Variants in KTN1 observed in about 807,000 individuals in gnomAD.
KTN1 encodes the protein kinectin.
KTN1 carries 130 observed loss-of-function variants against 222.5 expected under a neutral mutation model. The observed-to-expected ratio is 0.58, with a 90% confidence interval of 0.51 to 0.68. The LOEUF (loss-of-function observed/expected upper bound fraction) is 0.68. KTN1 is among the 30% of genes least tolerant of loss of function. KTN1 has a pLI of 0.00. For missense variants in KTN1, 1,508 were observed against 1,500.4 expected (o/e 1.01, Z -0.08); for synonymous variants, 512 against 496.3 (o/e 1.03, Z -0.42).
intron 1 of KTN1, among the ~76,000 whole-genome samples, chr14:55,583,142 A>C (rs2032116940): frequency 1.3e-5 from 2 of 152,308 alleles, no homozygotes; most frequent in Non-Finnish European, 2.9e-5. Flanking sequence ...ATGTGCTGTG[A>C]ACTAAGGGGT....
chr14:55,665,938 G>A (rs80213096), intron 33 of KTN1, among the ~76,000 whole-genome samples: 89 of 151,836 alleles, frequency 5.9e-4, no homozygotes, highest in African/African-American at 2.1e-3. Context: ...TCCTTGGAAA[G>A]TTTTCAAAAA....
intron 18 of KTN1, among the ~76,000 whole-genome samples, chr14:55,644,686 G>A (rs2042128967): frequency 6.6e-6 from 1 of 150,386 alleles, no homozygotes; most frequent in Admixed American, 6.7e-5. Context: ...AAAACTATAA[G>A]AAGTTTCTTC....
chr14:55,674,261 G>A (rs762255717), intron 40 of KTN1: 6 of 151,994 alleles, frequency 3.9e-5, no homozygotes, highest in Non-Finnish European at 7.4e-5. Flanking sequence ...AATTTTGGGG[G>A]GGGATTTTGG....
chr14:55,639,244 CTT>C, intron 13 of KTN1, 22 bp downstream of exon 13: 1 of 1,565,174 alleles, frequency 6.4e-7, no homozygotes, highest in Non-Finnish European at 8.8e-7. Flanking sequence ...TTTTCACACT[CTT>C]ATAATTGTGT....
chr14:55,678,334 A>G lies in KTN1; in HGVS notation c.3856-18A>G. 1.4e-6 allele frequency: 2 copies of G among 1,454,700 alleles called. No homozygotes were observed. The highest frequency in any genetic ancestry group is 9.7e-7 in the Non-Finnish European group (1 of 1,035,128). 90.1% of individuals were successfully genotyped at this position (1,454,700 alleles called of 1,614,324 possible). A position where few individuals can be genotyped will look rare whatever the true frequency, so the allele number is the denominator to read the frequency against. ...TCAACTGTATTACTTAGTAGCTACC[A>G]TATTGTTTTCCTTATAGGCTCAACA... On this transcript the variant is annotated intron_variant, in intron 41 of 43. Coordinates refer to ENST00000395314, the MANE Select transcript of KTN1 (RefSeq NM_001079521.2).
intron 5 of KTN1, among the ~76,000 whole-genome samples, chr14:55,622,540 T>G (rs975951513): frequency 6.6e-6 from 1 of 152,242 alleles, no homozygotes; most frequent in Non-Finnish European, 1.5e-5. Context: ...TAAAGTGATA[T>G]GTTGTCTGCT....
Position 55,627,934 on chromosome 14 carries a change from C to T in KTN1, c.986C>T (p.Thr329Met), listed in dbSNP as rs751522621. ...LKKSSKGELT[T>M]LIHQLQEKDK... Reference sequence around the variant, plus strand: ...CAGTCAAGTAAGGGAGAATTGACTACGCTTATACATCAGCTTCAAGAAAAG... The same window carrying T: ...CAGTCAAGTAAGGGAGAATTGACTATGCTTATACATCAGCTTCAAGAAAAG... Residue 329 changes from threonine (T) to methionine (M), a missense_variant, in exon 6 of 44, where the codon ACG becomes ATG. By Grantham distance (81) the Thr-to-Met change is moderately conservative. Transcript: ENST00000395314. The T allele has an allele frequency of 1.9e-5, 31 of 1,610,944 alleles. No homozygotes were observed. The highest frequency in any genetic ancestry group is 9.9e-5 in the South Asian group (9 of 91,006).
chr14:55,637,390 T>TA (rs200929648), intron 11 of KTN1, 26 bp downstream of exon 11: 843 of 1,319,252 alleles, frequency 6.4e-4, no homozygotes, highest in Middle Eastern at 1.3e-3. Flanking sequence ...TTTTTTTTTT[T>TA]AAAAAAATAC....
At chr14:55,643,162 G>A (rs1282298581) in intron 18 of KTN1, among the ~76,000 whole-genome samples, 1 of 152,010 alleles carries the variant, frequency 6.6e-6, no homozygotes, top group African/African-American at 2.4e-5. Flanking sequence ...TGCCTGCCTC[G>A]GCCTCCCAAA....
intron 21 of KTN1, among the ~76,000 whole-genome samples, chr14:55,649,540 A>T (rs1213046615): frequency 6.6e-6 from 1 of 152,202 alleles, no homozygotes; most frequent in Non-Finnish European, 1.5e-5. Flanking sequence ...AATAATTTTA[A>T]CATTTATCTA....
Position 55,627,972 on chromosome 14 carries a change from G to A in KTN1, c.1024G>A (p.Ala342Thr), listed in dbSNP as rs979567159. 12 of 1,613,896 alleles carry A rather than the reference G, an allele frequency of 7.4e-6. No individual in the cohort carries two copies. Among genetic ancestry groups the A allele is most frequent in the South Asian group, 3.3e-5 (3 of 91,070 alleles). Reference sequence around the variant, plus strand: ...GCTTCAAGAAAAGGACAAGTTACTCGCTGCTGTGAAGGAAGATGCTGCTGC... The same window carrying A: ...GCTTCAAGAAAAGGACAAGTTACTCACTGCTGTGAAGGAAGATGCTGCTGC... ...HQLQEKDKLL[A>T]AVKEDAAATK... The change falls in exon 6 of 44, where the codon GCT (alanine) becomes ACT (threonine). Residue 342 changes from alanine (A) to threonine (T), a missense_variant. Transcript: ENST00000395314.
chr14:55,646,897 A>G lies in KTN1; in HGVS notation c.2173-76A>G, dbSNP rs2042421431. On this transcript the variant is annotated intron_variant, in intron 18 of 43. Transcript: ENST00000395314. ...TTAATAACCCTAAACAATTTTCACAAAATTACATTTCTCATCTGGTTTTAC... is the reference window on the plus strand; with the variant it reads ...TTAATAACCCTAAACAATTTTCACAGAATTACATTTCTCATCTGGTTTTAC... 4.3e-6 allele frequency: 4 copies of G among 937,612 alleles called. 1 individual carries two copies. The highest frequency in any genetic ancestry group is 2.8e-5 in the South Asian group (2 of 72,430). 58.1% of individuals were successfully genotyped at this position (937,612 alleles called of 1,614,324 possible). A position where few individuals can be genotyped will look rare whatever the true frequency, so the allele number is the denominator to read the frequency against.
intron 2 of KTN1, among the ~76,000 whole-genome samples, chr14:55,615,116 T>TAGA (rs551599676): frequency 6.2e-4 from 95 of 152,308 alleles, no homozygotes; most frequent in African/African-American, 2.1e-3. Flanking sequence ...CGCAAAGGAA[T>TAGA]ATTTCAAGTG....
intron 25 of KTN1, 46 bp from the exon 26 acceptor site, chr14:55,652,804 G>T: frequency 7.3e-7 from 1 of 1,378,318 alleles, no homozygotes; most frequent in South Asian, 1.3e-5. Context: ...TGCTTTTTAT[G>T]GTCATGTAAC....
intron 5 of KTN1, among the ~76,000 whole-genome samples, chr14:55,627,096 T>A (rs567323808): frequency 6.6e-6 from 1 of 152,320 alleles, no homozygotes; most frequent in African/African-American, 2.4e-5. Context: ...TGGTGGTCTT[T>A]CCTTATATGC....
At chr14:55,580,851 G>A (rs1446738340) in intron 1 of KTN1, among the ~76,000 whole-genome samples, 1 of 152,158 alleles carries the variant, frequency 6.6e-6, no homozygotes, top group Non-Finnish European at 1.5e-5. Flanking sequence ...CTTACGCCAT[G>A]CTGGAGTTCC....
chr14:55,615,329 C>T (rs77408754), intron 2 of KTN1, among the ~76,000 whole-genome samples: 9,627 of 152,144 alleles, frequency 0.063, 421 homozygotes, highest in Admixed American at 0.097. Flanking sequence ...AAACTCTGTA[C>T]GCATTATACA....
At chr14:55,670,879 T>A in intron 35 of KTN1, 70 bp downstream of exon 35, 2 of 1,032,596 alleles carry the variant, frequency 1.9e-6, no homozygotes, top group Non-Finnish European at 2.9e-6. Context: ...TTTGTCTTCA[T>A]AAGCTTGGAA....
chr14:55,616,195 C>T (rs2038368257), intron 2 of KTN1, among the ~76,000 whole-genome samples: 1 of 152,120 alleles, frequency 6.6e-6, no homozygotes, highest in Non-Finnish European at 1.5e-5. Context: ...AGTGATCCAC[C>T]TGCCTCAGCC....
Sources: allele counts gnomAD v4.1 joint callset (sites outside exome capture counted in the v4.1 genomes callset), GRCh38; gene constraint gnomAD v4.1.1; transcripts MANE v1.5; gene names NCBI Gene and HGNC (gene_info 2026-07-23, HGNC 2026-07-21).